ELOVL2: variants seen among roughly 807,000 people sequenced by gnomAD.
ELOVL2 encodes the protein ELOVL fatty acid elongase 2.
Under a neutral mutation model 37.7 loss-of-function variants are expected in ELOVL2, and 38 were observed. The observed-to-expected ratio is 1.01, with a 90% confidence interval of 0.78 to 1.32. ELOVL2 has a LOEUF of 1.32. Among genes scored for constraint, ELOVL2 ranks in the 40% most tolerant of loss-of-function variants. The pLI is 0.00. For synonymous variants in ELOVL2, 115 were observed against 122.3 expected (o/e 0.94, Z 0.40); for missense variants, 352 against 363.6 (o/e 0.97, Z 0.26).
chr6:11,023,809 T>C (rs911012420), intron 1 of ELOVL2, among the ~76,000 whole-genome samples: 1 of 152,182 alleles, frequency 6.6e-6, no homozygotes, highest in Non-Finnish European at 1.5e-5. Flanking sequence ...ATCTGAATAA[T>C]GTCAAATCAA....
At chr6:11,019,213 CA>C (rs1782729112) in intron 1 of ELOVL2, among the ~76,000 whole-genome samples, 2 of 152,072 alleles carry the variant, frequency 1.3e-5, no homozygotes, top group Non-Finnish European at 2.9e-5. Flanking sequence ...ATTTTAAATG[CA>C]ATTTAAAATT....
At position 10,982,761 on chromosome 6, in the gene ELOVL2, TA is replaced by T. The variant is rs2113454905; in HGVS notation, c.*1019del. On this transcript the variant is annotated 3_prime_UTR_variant, in exon 8 of 8. Coordinates refer to ENST00000354666, the MANE Select transcript of ELOVL2 (RefSeq NM_017770.4). Reference sequence around the variant, plus strand: ...CTTTTTCCTCCCAGCTTCAAAAACTTAAATAACCTGTGAAGAGTGACAACAG... The same window carrying T: ...CTTTTTCCTCCCAGCTTCAAAAACTTAATAACCTGTGAAGAGTGACAACAG... 1 of 152,294 alleles carries T rather than the reference TA, an allele frequency of 6.6e-6. No homozygotes were observed. Among genetic ancestry groups the T allele is most frequent in the South Asian group, 2.1e-4 (1 of 4,824 alleles). The allele number at this position is 152,294 out of a possible 1,614,324, so 9.4% of individuals were successfully genotyped here. A position where few individuals can be genotyped will look rare whatever the true frequency, so the allele number is the denominator to read the frequency against.
At chr6:11,023,689 C>T (rs545162617) in intron 1 of ELOVL2, among the ~76,000 whole-genome samples, 3 of 152,280 alleles carry the variant, frequency 2.0e-5, no homozygotes, top group Non-Finnish European at 2.9e-5. Context: ...CTTCAGCACG[C>T]GCTGTTTTGT....
At chr6:11,032,467 T>G (rs577569072) in intron 1 of ELOVL2, among the ~76,000 whole-genome samples, 10 of 152,314 alleles carry the variant, frequency 6.6e-5, no homozygotes, top group South Asian at 4.1e-4. Context: ...TCCTGGAAAT[T>G]TAGTTGCACA....
intron 1 of ELOVL2, among the ~76,000 whole-genome samples, chr6:11,038,269 G>C (rs953573207): frequency 6.6e-6 from 1 of 152,158 alleles, no homozygotes; most frequent in African/African-American, 2.4e-5. Flanking sequence ...TTATTATACA[G>C]TACTTGAATC....
chr6:11,028,593 A>ATT (rs111411933), intron 1 of ELOVL2, among the ~76,000 whole-genome samples: 6 of 149,526 alleles, frequency 4.0e-5, no homozygotes, highest in African/African-American at 1.5e-4. Context: ...TTTTTATGGT[A>ATT]TTTTTTTTTT....
intron 2 of ELOVL2, 112 bp from the exon 3 acceptor site, chr6:11,005,671 A>T (rs1782469703): frequency 1.2e-6 from 1 of 866,206 alleles, no homozygotes; most frequent in South Asian, 1.9e-5. Context: ...GAACAACTCC[A>T]TACAACATTA....
rs767420973 is a variant in ELOVL2 at position 10,994,012 on chromosome 6, C to CAAA, written c.505+992_505+994dup. Among the ~76,000 whole-genome samples the CAAA allele has an allele frequency of 3.5e-3, 372 of 106,092 alleles. 1 individual carries two copies. The Middle Eastern group carries it at 0.038, about 11-fold the overall frequency. 69.6% of individuals were successfully genotyped at this position (106,092 alleles called of 152,430 possible). A position where few individuals can be genotyped will look rare whatever the true frequency, so the allele number is the denominator to read the frequency against. ...CATGAGCCACTATGCCCAGCCCTAC[C>CAAA]AAAAAAAAAAAAAAAAATAGCTGGG... On this transcript the variant is annotated intron_variant, in intron 5 of 7. Transcript: ENST00000354666.
intron 1 of ELOVL2, among the ~76,000 whole-genome samples, chr6:11,011,042 T>A (rs1343633962): frequency 6.6e-6 from 1 of 151,634 alleles, no homozygotes; most frequent in Non-Finnish European, 1.5e-5. Context: ...GCAAGAGGAG[T>A]CCTAGAGAAC....
chr6:11,032,244 G>A (rs771086454), intron 1 of ELOVL2, among the ~76,000 whole-genome samples: 1 of 149,182 alleles, frequency 6.7e-6, no homozygotes, highest in African/African-American at 2.5e-5. Flanking sequence ...GCCATAAGTT[G>A]TTCCATCATA....
At chr6:10,994,771 T>C (rs1385406956) in intron 5 of ELOVL2, among the ~76,000 whole-genome samples, 1 of 152,170 alleles carries the variant, frequency 6.6e-6, no homozygotes, top group Admixed American at 6.5e-5. Flanking sequence ...GGACATATGA[T>C]GTGTGGAAAA....
At chr6:11,026,484 A>G (rs913309936) in intron 1 of ELOVL2, among the ~76,000 whole-genome samples, 2 of 152,146 alleles carry the variant, frequency 1.3e-5, no homozygotes, top group African/African-American at 4.8e-5. Context: ...CTTCTGGGCT[A>G]TAACAGGAGA....
At chr6:11,004,416 C>CTTTT (rs74352598) in intron 3 of ELOVL2, among the ~76,000 whole-genome samples, 1 of 141,968 alleles carries the variant, frequency 7.0e-6, no homozygotes. Context: ...CTTTGTCCCT[C>CTTTT]TTTTTTTTTT....
At chr6:11,017,913 C>G (rs1414781222) in intron 1 of ELOVL2, among the ~76,000 whole-genome samples, 1 of 152,198 alleles carries the variant, frequency 6.6e-6, no homozygotes, top group Non-Finnish European at 1.5e-5. Flanking sequence ...TAATCAAATA[C>G]TCATTCATCT....
chr6:11,019,153 T>G (rs1782728235), intron 1 of ELOVL2, among the ~76,000 whole-genome samples: 1 of 152,236 alleles, frequency 6.6e-6, no homozygotes, highest in Non-Finnish European at 1.5e-5. Flanking sequence ...TCAAGTTAAC[T>G]ACTGCTGAAA....
chr6:10,992,078 C>T (rs1473619689), intron 5 of ELOVL2, among the ~76,000 whole-genome samples: 1 of 152,152 alleles, frequency 6.6e-6, no homozygotes, highest in African/African-American at 2.4e-5. Context: ...CTTGGTAATT[C>T]TCCTCTAATA....
rs367914234 is a variant in ELOVL2, at chr6:11,000,107, C to T, written c.313G>A (p.Ala105Thr). The T allele has an allele frequency of 2.6e-5, 42 of 1,614,090 alleles. No individual in the cohort carries two copies. The highest frequency in any genetic ancestry group is 1.3e-4 in the South Asian group (12 of 91,072). The change falls in exon 4 of 8, where the codon GCA becomes ACA. Residue 105 changes from alanine (A) to threonine (T), a missense_variant. Ala to Thr is a moderately conservative substitution (Grantham distance 58). Coordinates refer to ENST00000354666, the MANE Select transcript of ELOVL2 (RefSeq NM_017770.4). Reference protein sequence around the residue: ...YNLQCQDLTSAGEADIRVAKV... With the variant: ...YNLQCQDLTSTGEADIRVAKV... ...CTCACCCGGATGTCAGCTTCCCCTG[C>T]GCTGGTAAGATCTTGACACTGTAAG... is the stretch of plus-strand genomic sequence containing the variant.
rs768806214 is a variant in ELOVL2 at position 11,005,365 on chromosome 6, CACTT to C, written c.255+3_255+6del. 5 of 1,609,588 alleles carry C rather than the reference CACTT, an allele frequency of 3.1e-6. No homozygotes were observed. In the African/African-American group the frequency reaches 5.3e-5, roughly 17 times the overall value. On this transcript the variant is annotated splice_donor_5th_base_variant and intron_variant, in intron 3 of 7. Coordinates refer to ENST00000354666, the MANE Select transcript of ELOVL2 (RefSeq NM_017770.4). The stretch of plus-strand genomic sequence containing the variant: ...TGGACTTCAGCTTTGGCTACATAAA[CACTT>C]ACCTCTGCCAGCATGTACGCGGAGA...
intron 1 of ELOVL2, among the ~76,000 whole-genome samples, chr6:11,012,695 A>G (rs933435307): frequency 1.3e-5 from 2 of 152,222 alleles, no homozygotes; most frequent in African/African-American, 4.8e-5. Flanking sequence ...AAACAAGGGA[A>G]GATGTGGAGA....
Sources: allele counts gnomAD v4.1 joint callset (sites outside exome capture counted in the v4.1 genomes callset), GRCh38; gene constraint gnomAD v4.1.1; transcripts MANE v1.5; gene names NCBI Gene and HGNC (gene_info 2026-07-23, HGNC 2026-07-21).